Variants in TMEM132D observed in about 807,000 individuals in gnomAD.
TMEM132D encodes the protein transmembrane protein 132D, also known as mature OL transmembrane protein.
In TMEM132D, 21 loss-of-function variants were observed where a neutral mutation model predicts 62.3. The ratio of observed to expected loss-of-function variants is 0.34; its 90% CI spans 0.24 to 0.49. TMEM132D has a LOEUF of 0.49. Ranked by LOEUF, TMEM132D falls within the 20% of genes least tolerant of loss-of-function variation. The probability of loss-of-function intolerance (pLI) is 0.99; values close to 1 mark genes in which losing one functional copy is unlikely to be tolerated. For missense variants in TMEM132D, 1,346 were observed against 1,402.8 expected (o/e 0.96, Z 0.65); for synonymous variants, 621 against 575.6 (o/e 1.08, Z -1.13).
intron 5 of TMEM132D, among the ~76,000 whole-genome samples, chr12:129,195,785 G>T (rs1047754866): frequency 2.0e-5 from 3 of 152,126 alleles, no homozygotes; most frequent in Non-Finnish European, 2.9e-5. Flanking sequence ...AATTTGTCAT[G>T]TTAAATGGAT....
intron 5 of TMEM132D, among the ~76,000 whole-genome samples, chr12:129,106,649 T>C (rs534589232): frequency 1.3e-5 from 2 of 152,246 alleles, no homozygotes; most frequent in African/African-American, 4.8e-5. Context: ...CTCCTCCCAC[T>C]TTCCTCCCCT....
intron 5 of TMEM132D, among the ~76,000 whole-genome samples, chr12:129,166,724 CACACATATATATATAT>C (rs1877569134): frequency 6.8e-6 from 1 of 147,366 alleles, no homozygotes. Flanking sequence ...TATACACACA[CACACATATATATATAT>C]ACACATATAC....
chr12:129,438,593 G>A (rs763994072), intron 3 of TMEM132D, among the ~76,000 whole-genome samples: 2 of 152,130 alleles, frequency 1.3e-5, no homozygotes, highest in Admixed American at 6.5e-5. Context: ...TTAGAGGTCG[G>A]GATACTTCTT....
intron 3 of TMEM132D, among the ~76,000 whole-genome samples, chr12:129,499,502 C>T (rs1384252027): frequency 6.6e-6 from 1 of 152,152 alleles, no homozygotes; most frequent in Non-Finnish European, 1.5e-5. Context: ...AATGATGACA[C>T]AGGCAAGATC....
intron 1 of TMEM132D, among the ~76,000 whole-genome samples, chr12:129,854,350 C>T (rs1873646141): frequency 6.6e-6 from 1 of 152,136 alleles, no homozygotes; most frequent in African/African-American, 2.4e-5. Flanking sequence ...TGACACAGGG[C>T]CAATGTCACA....
At position 129,648,574 on chromosome 12, in the gene TMEM132D, A is replaced by G. The variant is rs112842869; in HGVS notation, c.968+51236T>C. Among the ~76,000 whole-genome samples, 94 of 152,318 alleles carry G rather than the reference A, an allele frequency of 6.2e-4. 1 individual carries two copies. Among genetic ancestry groups the G allele is most frequent in the African/African-American group, 2.0e-3 (85 of 41,570 alleles). On this transcript the variant is annotated intron_variant, in intron 2 of 8. Coordinates refer to ENST00000422113, the MANE Select transcript of TMEM132D (RefSeq NM_133448.3). ...TACAGTTCAAGGCAAAGCCTGTTTTATGCTTCTCTTGTCACATACATTGCA... is the reference window on the plus strand; with the variant it reads ...TACAGTTCAAGGCAAAGCCTGTTTTGTGCTTCTCTTGTCACATACATTGCA...
intron 4 of TMEM132D, among the ~76,000 whole-genome samples, chr12:129,213,897 G>T (rs962019112): frequency 6.6e-6 from 1 of 152,192 alleles, no homozygotes; most frequent in Admixed American, 6.5e-5. Context: ...GTGTGTAAAT[G>T]TGTATGTATC....
intron 2 of TMEM132D, among the ~76,000 whole-genome samples, chr12:129,550,305 TA>T (rs1876858933): frequency 6.6e-6 from 1 of 152,178 alleles, no homozygotes; most frequent in Non-Finnish European, 1.5e-5. Flanking sequence ...CTTCAGGAAC[TA>T]AAGATGAGGA....
chr12:129,676,603 C>G (rs1386737629), intron 2 of TMEM132D, among the ~76,000 whole-genome samples: 1 of 152,162 alleles, frequency 6.6e-6, no homozygotes, highest in Non-Finnish European at 1.5e-5. Context: ...AAACAATCAG[C>G]TCTTGTGTGA....
chr12:129,761,715 G>A (rs929004312), intron 1 of TMEM132D, among the ~76,000 whole-genome samples: 6 of 152,120 alleles, frequency 3.9e-5, no homozygotes, highest in Non-Finnish European at 7.4e-5. Flanking sequence ...TTTGGGCTAC[G>A]ATAACTCCCA....
At chr12:129,193,661 T>C (rs1565993563) in intron 5 of TMEM132D, among the ~76,000 whole-genome samples, 2 of 152,276 alleles carry the variant, frequency 1.3e-5, no homozygotes, top group East Asian at 3.8e-4. Context: ...TTATATCTCA[T>C]TGGATGTTCA....
At chr12:129,860,127 C>G (rs1254753547) in intron 1 of TMEM132D, among the ~76,000 whole-genome samples, 1 of 152,198 alleles carries the variant, frequency 6.6e-6, no homozygotes, top group Non-Finnish European at 1.5e-5. Flanking sequence ...TGCCCCTAGA[C>G]AGGACACGCA....
In TMEM132D at chr12:129,401,726, T is replaced by C. The variant is rs1283965680; in HGVS notation, c.1116-63909A>G. ...AGCTGCTCCTCCAAGGTCACAGAGA[T>C]AATGAGCTGGGATTGGAGCCCAGCC... On this transcript the variant is annotated intron_variant, in intron 3 of 8. Coordinates refer to ENST00000422113, the MANE Select transcript of TMEM132D (RefSeq NM_133448.3). Among the ~76,000 whole-genome samples the C allele has an allele frequency of 4.6e-5, 7 of 152,192 alleles. No individual in the cohort carries two copies. The East Asian group carries it at 1.4e-3, about 29-fold the overall frequency.
chr12:129,077,690 AAC>A (rs748106428), intron 8 of TMEM132D, among the ~76,000 whole-genome samples: 6 of 152,048 alleles, frequency 3.9e-5, no homozygotes, highest in African/African-American at 7.2e-5. Flanking sequence ...ACAGACCCAC[AAC>A]ACACACACAT....
intron 1 of TMEM132D, among the ~76,000 whole-genome samples, chr12:129,753,154 G>A (rs1593148057): frequency 6.6e-6 from 1 of 152,196 alleles, no homozygotes; most frequent in African/African-American, 2.4e-5. Context: ...AGGCTTCTCT[G>A]TAAACCCGGG....
At chr12:129,870,011 C>T (rs1874188706) in intron 1 of TMEM132D, among the ~76,000 whole-genome samples, 1 of 152,082 alleles carries the variant, frequency 6.6e-6, no homozygotes, top group African/African-American at 2.4e-5. Context: ...ACCTGGGTTT[C>T]GTTTGTTTGT....
intron 2 of TMEM132D, among the ~76,000 whole-genome samples, chr12:129,556,439 A>G (rs1208032918): frequency 6.6e-6 from 1 of 150,766 alleles, no homozygotes; most frequent in Non-Finnish European, 1.5e-5. Flanking sequence ...GGTTCTTATC[A>G]TGTCTTCCCC....
intron 4 of TMEM132D, among the ~76,000 whole-genome samples, chr12:129,210,753 T>G (rs1879017719): frequency 6.6e-6 from 1 of 152,206 alleles, no homozygotes; most frequent in South Asian, 2.1e-4. Context: ...GTTTGTCAAG[T>G]GCATAAATAG....
intron 1 of TMEM132D, among the ~76,000 whole-genome samples, chr12:129,715,951 GC>G (rs1868557463): frequency 6.6e-6 from 1 of 152,112 alleles, no homozygotes; most frequent in African/African-American, 2.4e-5. Flanking sequence ...CACACGCATT[GC>G]CACGCAGAGA....
Sources: allele counts gnomAD v4.1 joint callset (sites outside exome capture counted in the v4.1 genomes callset), GRCh38; gene constraint gnomAD v4.1.1; transcripts MANE v1.5; gene names NCBI Gene and HGNC (gene_info 2026-07-23, HGNC 2026-07-21).